Variants in TPD52L1 observed in about 807,000 individuals in gnomAD.
TPD52L1 encodes the protein TPD52 like 1.
TPD52L1 carries 18 observed loss-of-function variants against 28.7 expected under a neutral mutation model. That is an observed-to-expected ratio of 0.63 (90% CI 0.43 to 0.93). The LOEUF (loss-of-function observed/expected upper bound fraction) is 0.93. TPD52L1 is among the 40% of genes least tolerant of loss of function. The pLI, the probability that TPD52L1 is intolerant of heterozygous loss-of-function variation, is 0.00. For missense variants in TPD52L1, 203 were observed against 254.8 expected (o/e 0.80, Z 1.39); for synonymous variants, 75 against 88.8 (o/e 0.84, Z 0.88).
At chr6:125,234,711 T>C (rs991770178) in intron 3 of TPD52L1, among the ~76,000 whole-genome samples, 1 of 152,158 alleles carries the variant, frequency 6.6e-6, no homozygotes, top group Non-Finnish European at 1.5e-5. Context: ...ATTTGAATAT[T>C]ATTGCACATA....
chr6:125,249,242 G>T (rs1160456817), intron 4 of TPD52L1, among the ~76,000 whole-genome samples: 1 of 151,368 alleles, frequency 6.6e-6, no homozygotes, highest in African/African-American at 2.4e-5. Flanking sequence ...TGCCTTGGAG[G>T]ATTTTTCTTT....
rs148702882 is a variant in TPD52L1, at chr6:125,186,040, C to T, written c.19+32070C>T. Among the ~76,000 whole-genome samples the T allele has an allele frequency of 1.6e-3, 248 of 151,850 alleles. 2 individuals are homozygous for T. Among genetic ancestry groups the T allele is most frequent in the African/African-American group, 5.3e-3 (218 of 41,410 alleles). The stretch of plus-strand genomic sequence containing the variant: ...TCCTGAGTAGCTGAGATTATAGATG[C>T]GTGCCACCACGCCCGGCTAATTTTT... On this transcript the variant is annotated intron_variant, in intron 1 of 6. Coordinates refer to ENST00000534000, the MANE Select transcript of TPD52L1 (RefSeq NM_003287.4).
intron 1 of TPD52L1, among the ~76,000 whole-genome samples, chr6:125,156,555 A>C (rs951497017): frequency 1.3e-5 from 2 of 151,602 alleles, no homozygotes; most frequent in African/African-American, 4.8e-5. Context: ...AGATTTTTTG[A>C]GCCCAGGAGT....
At chr6:125,185,490 A>C (rs1792540123) in intron 1 of TPD52L1, among the ~76,000 whole-genome samples, 2 of 152,170 alleles carry the variant, frequency 1.3e-5, no homozygotes, top group Non-Finnish European at 2.9e-5. Flanking sequence ...TATAACCAAA[A>C]ATTTTAACAA....
chr6:125,248,511 G>A, intron 4 of TPD52L1, 128 bp downstream of exon 4: 1 of 664,652 alleles, frequency 1.5e-6, no homozygotes. Flanking sequence ...ATGTTATATG[G>A]CTGATATGAT....
intron 3 of TPD52L1, among the ~76,000 whole-genome samples, chr6:125,236,827 T>A (rs957286612): frequency 2.6e-5 from 4 of 152,150 alleles, no homozygotes; most frequent in African/African-American, 9.7e-5. Context: ...TCCCTAGGGC[T>A]CAGTCCATTC....
At chr6:125,185,323 G>C (rs1792528459) in intron 1 of TPD52L1, among the ~76,000 whole-genome samples, 1 of 152,110 alleles carries the variant, frequency 6.6e-6, no homozygotes, top group South Asian at 2.1e-4. Flanking sequence ...ATTTTATATA[G>C]AATTTCATGT....
intron 1 of TPD52L1, among the ~76,000 whole-genome samples, chr6:125,216,270 T>C (rs1357707293): frequency 3.3e-5 from 5 of 152,124 alleles, no homozygotes; most frequent in Non-Finnish European, 7.4e-5. Flanking sequence ...TAGCAGTAGG[T>C]TACAAAATGT....
intron 1 of TPD52L1, among the ~76,000 whole-genome samples, chr6:125,199,998 C>G (rs140997176): frequency 6.6e-6 from 1 of 152,342 alleles, no homozygotes; most frequent in East Asian, 1.9e-4. Context: ...CTACCTTTCA[C>G]AGGTGCTTTA....
At chr6:125,174,483 C>G (rs1244095887) in intron 1 of TPD52L1, among the ~76,000 whole-genome samples, 1 of 152,136 alleles carries the variant, frequency 6.6e-6, no homozygotes, top group Non-Finnish European at 1.5e-5. Flanking sequence ...GCTATCTGGC[C>G]TGCATGCAAA....
At chr6:125,157,927 G>A (rs1790244890) in intron 1 of TPD52L1, among the ~76,000 whole-genome samples, 1 of 152,084 alleles carries the variant, frequency 6.6e-6, no homozygotes. Context: ...TGTCGGCAGC[G>A]CTGTCCTTCC....
intron 3 of TPD52L1, among the ~76,000 whole-genome samples, chr6:125,242,344 G>T (rs1230009921): frequency 6.6e-6 from 1 of 152,044 alleles, no homozygotes; most frequent in Non-Finnish European, 1.5e-5. Flanking sequence ...TTGTTTCATT[G>T]TTGATTTTCC....
At chr6:125,199,721 G>C (rs973722260) in intron 1 of TPD52L1, among the ~76,000 whole-genome samples, 1 of 152,170 alleles carries the variant, frequency 6.6e-6, no homozygotes, top group Admixed American at 6.5e-5. Flanking sequence ...GAGATATTAA[G>C]TTTAGCTTGC....
At chr6:125,172,061 C>CTTCT (rs201530227) in intron 1 of TPD52L1, among the ~76,000 whole-genome samples, 21 of 137,550 alleles carry the variant, frequency 1.5e-4, no homozygotes, top group Admixed American at 5.7e-4. Context: ...CCTTCTTTCT[C>CTTCT]TTCTTTCTTT....
chr6:125,190,183 T>C (rs1440367532), intron 1 of TPD52L1, among the ~76,000 whole-genome samples: 1 of 152,226 alleles, frequency 6.6e-6, no homozygotes, highest in Non-Finnish European at 1.5e-5. Context: ...GAAGAATTTC[T>C]ACCAGCTGTG....
At chr6:125,243,163 T>A (rs2115023417) in intron 3 of TPD52L1, among the ~76,000 whole-genome samples, 1 of 152,320 alleles carries the variant, frequency 6.6e-6, no homozygotes, top group Non-Finnish European at 1.5e-5. Flanking sequence ...AGATTTCTGC[T>A]GATAAACCAG....
chr6:125,185,092 T>C (rs529763057), intron 1 of TPD52L1, among the ~76,000 whole-genome samples: 2 of 152,096 alleles, frequency 1.3e-5, no homozygotes, highest in Non-Finnish European at 2.9e-5. Context: ...AAGCATAAAA[T>C]AGTAGAAAGA....
At chr6:125,197,604 T>A (rs1043804049) in intron 1 of TPD52L1, among the ~76,000 whole-genome samples, 12 of 152,068 alleles carry the variant, frequency 7.9e-5, no homozygotes, top group Non-Finnish European at 1.6e-4. Context: ...GGAAGAACAG[T>A]CAGAAGGATT....
chr6:125,190,550 G>A (rs1375155551), intron 1 of TPD52L1, among the ~76,000 whole-genome samples: 1 of 152,064 alleles, frequency 6.6e-6, no homozygotes, highest in Non-Finnish European at 1.5e-5. Flanking sequence ...CATTTACTGA[G>A]CACTTTATTT....
Sources: allele counts gnomAD v4.1 joint callset (sites outside exome capture counted in the v4.1 genomes callset), GRCh38; gene constraint gnomAD v4.1.1; transcripts MANE v1.5; gene names NCBI Gene and HGNC (gene_info 2026-07-23, HGNC 2026-07-21).